Variants in GSE1 observed in about 807,000 individuals in gnomAD.
GSE1 encodes genetic suppressor element 1.
Under a neutral mutation model 112.6 loss-of-function variants are expected in GSE1, and 32 were observed. The ratio of observed to expected loss-of-function variants is 0.28; its 90% CI spans 0.21 to 0.38. The LOEUF is 0.38. Ranked by LOEUF, GSE1 falls within the 10% of genes least tolerant of loss-of-function variation. GSE1 has a pLI of 1.00. For missense variants in GSE1, 2,348 were observed against 1,699.2 expected (o/e 1.38, Z -6.71); for synonymous variants, 1,115 against 735.6 (o/e 1.52, Z -8.35).
intron 2 of GSE1, among the ~76,000 whole-genome samples, chr16:85,416,745 C>G (rs555846207): frequency 1.4e-4 from 22 of 152,394 alleles, no homozygotes; most frequent in African/African-American, 5.0e-4. Flanking sequence ...CCCTGGGTCA[C>G]GGCTGACTTG....
intron 1 of GSE1, among the ~76,000 whole-genome samples, chr16:85,592,079 T>C (rs1191901758): frequency 1.3e-5 from 2 of 152,018 alleles, no homozygotes; most frequent in African/African-American, 4.8e-5. Context: ...AGTACAGAGC[T>C]AGTGGGAAGA....
chr16:85,500,121 A>G (rs1171674302), intron 2 of GSE1, among the ~76,000 whole-genome samples: 3 of 152,230 alleles, frequency 2.0e-5, no homozygotes, highest in Admixed American at 1.3e-4. Context: ...GGCCCCCTCC[A>G]TATCATCATC....
intron 2 of GSE1, among the ~76,000 whole-genome samples, chr16:85,547,878 C>CAAAA (rs755865916): frequency 0.085 from 7,813 of 91,894 alleles, 298 homozygotes; most frequent in Middle Eastern, 0.14. Context: ...GTCTCTGTCT[C>CAAAA]AAAAAAAAAA....
intron 1 of GSE1, among the ~76,000 whole-genome samples, chr16:85,198,063 C>G (rs563810971): frequency 6.6e-6 from 1 of 152,104 alleles, no homozygotes; most frequent in Non-Finnish European, 1.5e-5. Flanking sequence ...CAGAGGGTGG[C>G]CAGGACGTGC....
chr16:85,172,393 C>T (rs1011746065), intron 1 of GSE1, among the ~76,000 whole-genome samples: 1 of 152,222 alleles, frequency 6.6e-6, no homozygotes. Flanking sequence ...GTGGCCTAAA[C>T]AGACTTTTCC....
chr16:85,183,921 G>T (rs1178182802), intron 1 of GSE1, among the ~76,000 whole-genome samples: 1 of 152,220 alleles, frequency 6.6e-6, no homozygotes, highest in Admixed American at 6.5e-5. Context: ...TCATGAGGGT[G>T]AGACAAAGCT....
At chr16:85,446,654 G>A (rs187563928) in intron 2 of GSE1, among the ~76,000 whole-genome samples, 31 of 152,304 alleles carry the variant, frequency 2.0e-4, no homozygotes, top group Non-Finnish European at 4.0e-4. Context: ...CCATCGAGCG[G>A]GTTCTCTGCC....
At chr16:85,529,511 G>C (rs1274101758) in intron 2 of GSE1, among the ~76,000 whole-genome samples, 1 of 152,190 alleles carries the variant, frequency 6.6e-6, no homozygotes, top group East Asian at 1.9e-4. Flanking sequence ...CCCTGGGTCT[G>C]TGCTCCCCCT....
At chr16:85,357,898 CTTTG>C (rs1030055356) in intron 2 of GSE1, among the ~76,000 whole-genome samples, 3 of 152,148 alleles carry the variant, frequency 2.0e-5, no homozygotes, top group Admixed American at 6.5e-5. Context: ...CCTGGGCTGC[CTTTG>C]TTTGTTTATT....
chr16:85,656,310 A>G (rs1332473777), intron 6 of GSE1, 33 bp from the exon 7 acceptor site: 25 of 1,606,182 alleles, frequency 1.6e-5, no homozygotes, highest in Non-Finnish European at 2.0e-5. Context: ...TTCCTGGTGC[A>G]GCAGAGCCCC....
intron 1 of GSE1, among the ~76,000 whole-genome samples, chr16:85,215,069 G>A (rs143295923): frequency 6.6e-5 from 10 of 152,320 alleles, no homozygotes; most frequent in South Asian, 2.1e-4. Context: ...GTAGGCCACC[G>A]TTAACACTGA....
chr16:85,644,634 C>G (rs1199115915), intron 2 of GSE1, among the ~76,000 whole-genome samples: 5 of 152,094 alleles, frequency 3.3e-5, no homozygotes, highest in Non-Finnish European at 7.4e-5. Context: ...GACGGAGAGC[C>G]AATGCGTGCG....
At chr16:85,221,272 C>T (rs1857682422) in intron 1 of GSE1, among the ~76,000 whole-genome samples, 1 of 151,946 alleles carries the variant, frequency 6.6e-6, no homozygotes, top group African/African-American at 2.4e-5. Context: ...CCAGGGAGGT[C>T]AGCTGCAGGC....
chr16:85,206,866 C>T (rs1317982500), intron 1 of GSE1, among the ~76,000 whole-genome samples: 1 of 152,014 alleles, frequency 6.6e-6, no homozygotes, highest in Non-Finnish European at 1.5e-5. Context: ...CCCCCCAGCC[C>T]TCCTGCCCTT....
chr16:85,441,457 C>A (rs1162213337), intron 2 of GSE1, among the ~76,000 whole-genome samples: 1 of 147,228 alleles, frequency 6.8e-6, no homozygotes, highest in Non-Finnish European at 1.5e-5. Context: ...GAGTTTGAGA[C>A]CAGCCTGACC....
At position 85,623,000 on chromosome 16, in the gene GSE1, C is replaced by T. The variant is rs185444824; in HGVS notation, c.7+9602C>T. ...AGGGGAGGGGTGCAGACTCTGGCAA[C>T]CTGGAGAGTTAGGGACAAACTAAGG... On this transcript the variant is annotated intron_variant, in intron 1 of 15. Transcript: ENST00000253458. Among the ~76,000 whole-genome samples, 324 of 152,150 alleles carry T rather than the reference C, an allele frequency of 2.1e-3. 3 individuals carry two copies. Among genetic ancestry groups the T allele is most frequent in the Middle Eastern group, 0.01 (3 of 294 alleles).
At chr16:85,626,279 G>A (rs959521990) in intron 1 of GSE1, among the ~76,000 whole-genome samples, 6 of 152,200 alleles carry the variant, frequency 3.9e-5, no homozygotes, top group African/African-American at 7.2e-5. Flanking sequence ...AGCACGTGGA[G>A]GGCAGATATG....
chr16:85,573,307 T>C (rs377755783), intron 1 of GSE1, among the ~76,000 whole-genome samples: 5 of 152,336 alleles, frequency 3.3e-5, no homozygotes, highest in East Asian at 1.9e-4. Context: ...TCATTCCTTT[T>C]CATAGCCAAG....
rs201784059 is a variant in GSE1, at chr16:85,517,534, C to T, written c.2465-116380C>T. ...CCTGCTCTCAGGCCTTGTGCTGAAG[C>T]GGTTTGCCTGGAGAGAGTGGAAGTG... On this transcript the variant is annotated intron_variant, in intron 2 of 2. Coordinates refer to the GSE1 transcript ENST00000637419. Among the ~76,000 whole-genome samples, 184 of 152,296 alleles carry T rather than the reference C, an allele frequency of 1.2e-3. 1 individual carries two copies. The highest frequency in any genetic ancestry group is 2.2e-3 in the Admixed American group (34 of 15,308).
Sources: allele counts gnomAD v4.1 joint callset (sites outside exome capture counted in the v4.1 genomes callset), GRCh38; gene constraint gnomAD v4.1.1; transcripts MANE v1.5; gene names NCBI Gene and HGNC (gene_info 2026-07-23, HGNC 2026-07-21).